PIP4P1: variants seen among roughly 807,000 people sequenced by gnomAD.
PIP4P1 encodes phosphatidylinositol-4,5-bisphosphate 4-phosphatase 1.
PIP4P1 carries 14 observed loss-of-function variants against 32.3 expected under a neutral mutation model. The ratio of observed to expected loss-of-function variants is 0.43; its 90% CI spans 0.29 to 0.68. The LOEUF is 0.68. Among genes scored for constraint, PIP4P1 ranks in the 30% least tolerant of loss-of-function variants. The probability of loss-of-function intolerance (pLI) is 0.15; values close to 1 mark genes in which losing one functional copy is unlikely to be tolerated. For missense variants in PIP4P1, 289 were observed against 364.5 expected, an observed-to-expected ratio of 0.79 and a Z score of 1.69; for synonymous variants, 132 against 137.9, an observed-to-expected ratio of 0.96 and a Z score of 0.30.
intron 3 of PIP4P1, 182 bp from the exon 4 acceptor site, chr14:20,459,915 A>G (rs962024573): frequency 8.0e-6 from 5 of 626,536 alleles, no homozygotes; most frequent in African/African-American, 3.7e-5. Context: ...AGAAAGAAAG[A>G]GCACTGTTTA....
Position 20,459,218 on chromosome 14 carries a change from G to A in PIP4P1, c.678C>T (p.Ala226=), listed in dbSNP as rs772670304. ...CAAGGGTACTCACGGCAAGGCCAGT[G>A]GCAGTGACTGCCAAAAGCAAGCCAA... ...FLLGLLLAVT[A]TGLAFGTWKH... The change falls in exon 6 of 7, where the codon GCC becomes GCT. Residue 226 remains alanine (A), a synonymous_variant. Coordinates refer to ENST00000250489, the MANE Select transcript of PIP4P1 (RefSeq NM_144568.4). 5.6e-6 allele frequency: 9 copies of A among 1,614,174 alleles called. No individual in the cohort carries two copies. The highest frequency in any genetic ancestry group is 5.0e-5 in the Admixed American group (3 of 60,024).
chr14:20,461,285 G>T lies in PIP4P1; in HGVS notation c.41C>A (p.Pro14His). The T allele has an allele frequency of 7.0e-6, 9 of 1,291,222 alleles. No homozygotes were observed. Among genetic ancestry groups the T allele is most frequent in the Middle Eastern group, 2.1e-4 (1 of 4,712 alleles). 80.0% of individuals were successfully genotyped at this position (1,291,222 alleles called of 1,614,324 possible). Residue 14 changes from proline (P) to histidine (H), a missense_variant, in exon 1 of 7, where the codon CCC becomes CAC. This residue lies in a region of PIP4P1 where 108 missense variants were observed against 101.2 expected (regional missense o/e 1.07). Transcript: ENST00000250489. ...GTTGCCGCCCGCGCCACCGTCGATG[G>T]GCTCAGACAGCAGCGGGGAACGCTC... ...DGERSPLLSE[P>H]IDGGAGGNGL... is the part of the protein sequence containing the mutation.
At position 20,459,254 on chromosome 14, in the gene PIP4P1, G is replaced by C. The variant is rs373690047; in HGVS notation, c.642C>G (p.Cys214Trp). The change falls in exon 6 of 7, where the codon TGC (cysteine) becomes TGG (tryptophan). Residue 214 changes from cysteine to tryptophan, a missense_variant. Cys to Trp is a radical substitution (Grantham distance 215). This residue lies in a region of PIP4P1 where 181 missense variants were observed against 263.3 expected (regional missense o/e 0.69). Coordinates refer to ENST00000250489, the MANE Select transcript of PIP4P1 (RefSeq NM_144568.4). Reference sequence around the variant, plus strand: ...CCAAAAGCAAGCCAAGCAAGAAGCAGCAGATACATCTCTTACGTGGGTATC... The same window carrying C: ...CCAAAAGCAAGCCAAGCAAGAAGCACCAGATACATCTCTTACGTGGGTATC... The part of the protein sequence containing the change: ...GRRYPRKRCI[C>W]CFLLGLLLAV... The C allele has an allele frequency of 1.2e-6, 2 of 1,614,240 alleles. No homozygotes were observed. The highest frequency in any genetic ancestry group is 1.3e-5 in the African/African-American group (1 of 75,048).
At position 20,458,431 on chromosome 14, in the gene PIP4P1, A is replaced by C. The variant is rs1881546729; in HGVS notation, c.*128T>G. Reference sequence around the variant, plus strand: ...GCCTGGTTCCTTCCTACCTCTCCCCAGGGAAAAGGAAGGCAGCTGCTTGGC... The same window carrying C: ...GCCTGGTTCCTTCCTACCTCTCCCCCGGGAAAAGGAAGGCAGCTGCTTGGC... On this transcript the variant is annotated 3_prime_UTR_variant, in exon 7 of 7. Coordinates refer to ENST00000250489, the MANE Select transcript of PIP4P1 (RefSeq NM_144568.4). The C allele has an allele frequency of 2.2e-6, 3 of 1,369,388 alleles. No homozygotes were observed. In the Admixed American group the frequency reaches 5.8e-5, roughly 26 times the overall value. 84.8% of individuals were successfully genotyped at this position (1,369,388 alleles called of 1,614,324 possible).
At chr14:20,459,523 C>A in intron 4 of PIP4P1, 83 bp from the exon 5 acceptor site, 1 of 1,584,872 alleles carries the variant, frequency 6.3e-7, no homozygotes, top group South Asian at 1.1e-5. Context: ...AGAACATGTT[C>A]CCATAGGACA....
Position 20,458,179 on chromosome 14 carries a change from A to C in PIP4P1, c.*380T>G. ...AGCAGCAGCAAAGTCCTAATGGTGC[A>C]CAAGAGGGAGGGGAACCCCCAGGGC... On this transcript the variant is annotated 3_prime_UTR_variant, in exon 7 of 7. Coordinates refer to ENST00000250489, the MANE Select transcript of PIP4P1 (RefSeq NM_144568.4). The C allele has an allele frequency of 2.4e-6, 1 of 420,000 alleles. No individual in the cohort carries two copies. The highest frequency in any genetic ancestry group is 2.8e-5 in the Admixed American group (1 of 35,444). The allele number at this position is 420,000 out of a possible 1,614,324, so 26.0% of individuals were successfully genotyped here.
At position 20,460,791 on chromosome 14, in the gene PIP4P1, G is replaced by A; in HGVS notation, c.197C>T (p.Pro66Leu). The change falls in exon 2 of 7, where the codon CCC becomes CTC. Residue 66 changes from proline (P) to leucine (L), a missense_variant. By Grantham distance (98) the Pro-to-Leu change is moderately conservative. Around this residue, in one of 2 missense-constraint regions of PIP4P1, gnomAD observed 108 missense variants for 101.2 expected, o/e 1.07. Transcript: ENST00000250489. ...CGGGCTAGTTAAGGGTGAATAGGGG[G>A]GTGGGTCCTCCCCAGGCAACACGGC... is the stretch of plus-strand genomic sequence containing the variant. Reference protein sequence around the residue: ...HPAVLPGEDPPPYSPLTSPDS... With the variant: ...HPAVLPGEDPLPYSPLTSPDS... The A allele has an allele frequency of 6.3e-7, 1 of 1,599,182 alleles. No individual in the cohort carries two copies. The highest frequency in any genetic ancestry group is 8.5e-7 in the Non-Finnish European group (1 of 1,173,248).
rs1447553955 is a variant in PIP4P1 at position 20,458,060 on chromosome 14, C to G, written c.*499G>C. 5.7e-6 allele frequency: 2 copies of G among 351,748 alleles called. No homozygotes were observed. The highest frequency in any genetic ancestry group is 4.3e-5 in the African/African-American group (2 of 46,746). 21.8% of individuals were successfully genotyped at this position (351,748 alleles called of 1,614,324 possible). Reference sequence around the variant, plus strand: ...ACACATCAGTTCCTGTGGTTCTGTACAGAGCAGCGGCTGACCCCACCCCCA... The same window carrying G: ...ACACATCAGTTCCTGTGGTTCTGTAGAGAGCAGCGGCTGACCCCACCCCCA... On this transcript the variant is annotated 3_prime_UTR_variant, in exon 7 of 7. Coordinates refer to ENST00000250489, the MANE Select transcript of PIP4P1 (RefSeq NM_144568.4).
In PIP4P1 at chr14:20,459,310, A is replaced by G; in HGVS notation, c.600-14T>C. The G allele has an allele frequency of 3.1e-6, 5 of 1,614,172 alleles. No homozygotes were observed. Among genetic ancestry groups the G allele is most frequent in the Non-Finnish European group, 4.2e-6 (5 of 1,180,016 alleles). Reference sequence around the variant, plus strand: ...CCAATAGATGACCTGTGGGGAGGCAAATAGAAATGGATGCTTTCTATGGCC... The same window carrying G: ...CCAATAGATGACCTGTGGGGAGGCAGATAGAAATGGATGCTTTCTATGGCC... On this transcript the variant is annotated splice_polypyrimidine_tract_variant and intron_variant, in intron 5 of 6. Transcript: ENST00000250489.
chr14:20,458,774 C>T, intron 6 of PIP4P1, 72 bp from the exon 7 acceptor site: 4 of 1,538,302 alleles, frequency 2.6e-6, no homozygotes, highest in African/African-American at 1.4e-5. Context: ...CCTATTAGTT[C>T]TAAGAACAGT....
chr14:20,460,191 C>T lies in PIP4P1; in HGVS notation c.440+1G>A. On this transcript the variant is annotated splice_donor_variant, in intron 3 of 6. Coordinates refer to ENST00000250489, the MANE Select transcript of PIP4P1 (RefSeq NM_144568.4). LOFTEE classifies it high-confidence loss of function. ...GCCCTTCCCCACCTTATGCCTCTTA[C>T]CAGTAGGGCCGAGGGCATGCAATCC... is the stretch of plus-strand genomic sequence containing the variant. The T allele has an allele frequency of 6.2e-7, 1 of 1,612,726 alleles. No individual in the cohort carries two copies. Among genetic ancestry groups the T allele is most frequent in the Non-Finnish European group, 8.5e-7 (1 of 1,178,754 alleles).
chr14:20,460,110 C>G, intron 3 of PIP4P1, 82 bp downstream of exon 3: 1 of 1,064,072 alleles, frequency 9.4e-7, no homozygotes, highest in South Asian at 1.3e-5. Flanking sequence ...GGCTCTCTCA[C>G]CTTTACATTC....
intron 3 of PIP4P1, 36 bp downstream of exon 3, chr14:20,460,156 C>T (rs1487459453): frequency 6.7e-7 from 1 of 1,502,884 alleles, no homozygotes; most frequent in African/African-American, 1.4e-5. Flanking sequence ...CTTTCCAGTT[C>T]CCCACTTAGG....
rs764011469 is a variant in PIP4P1 at position 20,458,708 on chromosome 14, GAAGAT to G, written c.691-11_691-7del. On this transcript the variant is annotated splice_polypyrimidine_tract_variant and splice_region_variant and intron_variant, in intron 6 of 6. Coordinates refer to ENST00000250489, the MANE Select transcript of PIP4P1 (RefSeq NM_144568.4). The stretch of plus-strand genomic sequence containing the variant: ...GCATGCTTCCATGTGCCAAACTGAT[GAAGAT>G]AAGGAGGGAGAAGAAAAGAAAGATG... The G allele has an allele frequency of 1.4e-5, 22 of 1,609,800 alleles. No individual in the cohort carries two copies. The highest frequency in any genetic ancestry group is 1.1e-4 in the South Asian group (10 of 90,530).
chr14:20,459,181 A>C, intron 6 of PIP4P1, 25 bp downstream of exon 6: 1 of 1,612,758 alleles, frequency 6.2e-7, no homozygotes, highest in Non-Finnish European at 8.5e-7. Context: ...TGCAGAATGA[A>C]AGAGGTTGGG....
rs114198089 is a variant in PIP4P1, at chr14:20,458,065, C to T, written c.*494G>A. ...TCAGTTCCTGTGGTTCTGTACAGAGCAGCGGCTGACCCCACCCCCACAGGA... is the reference window on the plus strand; with the variant it reads ...TCAGTTCCTGTGGTTCTGTACAGAGTAGCGGCTGACCCCACCCCCACAGGA... On this transcript the variant is annotated 3_prime_UTR_variant, in exon 7 of 7. Coordinates refer to ENST00000250489, the MANE Select transcript of PIP4P1 (RefSeq NM_144568.4). The T allele has an allele frequency of 2.2e-3, 777 of 352,820 alleles. 3 individuals carry two copies. Among genetic ancestry groups the T allele is most frequent in the African/African-American group, 0.013 (599 of 46,844 alleles). The allele number at this position is 352,820 out of a possible 1,614,324, so 21.9% of individuals were successfully genotyped here. A position where few individuals can be genotyped will look rare whatever the true frequency, so the allele number is the denominator to read the frequency against.
At chr14:20,459,921 G>A (rs1881638036) in intron 3 of PIP4P1, 188 bp from the exon 4 acceptor site, 1 of 623,926 alleles carries the variant, frequency 1.6e-6, no homozygotes, top group Non-Finnish European at 2.8e-6. Context: ...AAAGAGCACT[G>A]TTTAAACTTC....
rs998890627 is a variant in PIP4P1 at position 20,460,944 on chromosome 14, G to A, written c.143-99C>T. Reference sequence around the variant, plus strand: ...TTCTGATCTTCAACCCTCTGACCAAGCTCGGAGGGCTTCTCATAATTGGCA... The same window carrying A: ...TTCTGATCTTCAACCCTCTGACCAAACTCGGAGGGCTTCTCATAATTGGCA... On this transcript the variant is annotated intron_variant, in intron 1 of 6. Transcript: ENST00000250489. 5.1e-6 allele frequency: 7 copies of A among 1,364,630 alleles called. No homozygotes were observed. The African/African-American group carries it at 6.0e-5, about 12-fold the overall frequency. The allele number at this position is 1,364,630 out of a possible 1,614,324, so 84.5% of individuals were successfully genotyped here.
In PIP4P1 at chr14:20,459,296, C is replaced by A. The variant is rs1881604526; in HGVS notation, c.600G>T (p.Val200=). The stretch of plus-strand genomic sequence containing the variant: ...GTGGGTATCTGCGCCCAATAGATGA[C>A]CTGTGGGGAGGCAAATAGAAATGGA... ...TLARCPHCRK[V]SSIGRRYPRK... Residue 200 remains valine, a splice_region_variant and synonymous_variant, in exon 6 of 7, where the codon GTG becomes GTT. Coordinates refer to ENST00000250489, the MANE Select transcript of PIP4P1 (RefSeq NM_144568.4). 1 of 1,614,184 alleles carries A rather than the reference C, an allele frequency of 6.2e-7. No homozygotes were observed. The highest frequency in any genetic ancestry group is 1.7e-5 in the Admixed American group (1 of 60,026).
Sources: gnomAD v4.1 joint callset for allele counts on GRCh38, gnomAD v4.1.1 for gene constraint, gnomAD v4.1.1 regional missense constraint, MANE v1.5 for transcripts, NCBI Gene and HGNC (gene_info 2026-07-23, HGNC 2026-07-21) for gene names.